The following RNLS variants were observed in gnomAD, a reference collection of about 807,000 sequenced individuals.
RNLS encodes renalase, FAD dependent amine oxidase.
In RNLS, 39 loss-of-function variants were observed where a neutral mutation model predicts 39.8. That is an observed-to-expected ratio of 0.98 (90% CI 0.76 to 1.28). RNLS has a LOEUF of 1.28. Among genes scored for constraint, RNLS ranks in the 50% most tolerant of loss-of-function variants. The probability of loss-of-function intolerance (pLI) is 0.00; values close to 1 mark genes in which losing one functional copy is unlikely to be tolerated. For synonymous variants in RNLS, 147 were observed against 150.7 expected (o/e 0.98, Z 0.18); for missense variants, 410 against 413.3 (o/e 0.99, Z 0.07).
chr10:88,478,875 CTCTT>C lies in RNLS; in HGVS notation c.526+94024_526+94027del, dbSNP rs148397798. Reference sequence around the variant, plus strand: ...CCTTCTTTCTTTCATTTCTTTCTTTCTCTTTCTTTCTTTCTTTCTCTTTCTTTCT... The same window carrying C: ...CCTTCTTTCTTTCATTTCTTTCTTTCTCTTTCTTTCTTTCTCTTTCTTTCT... On this transcript the variant is annotated intron_variant, in intron 4 of 6. Coordinates refer to ENST00000331772, the MANE Select transcript of RNLS (RefSeq NM_001031709.3). 2.2e-3 allele frequency among the ~76,000 whole-genome samples: 332 copies of C among 149,526 alleles called. 5 individuals carry two copies. The East Asian group carries it at 0.044, about 20-fold the overall frequency.
chr10:88,324,422 C>A, intron 5 of RNLS, among the ~76,000 whole-genome samples: 1 of 128,962 alleles, frequency 7.8e-6, no homozygotes, highest in Admixed American at 7.9e-5. Flanking sequence ...AAATTGTGTC[C>A]TTTGCAAAAA....
At chr10:88,188,327 G>T in the RNLS span, among the ~76,000 whole-genome samples, 3 of 152,168 alleles carry the variant, frequency 2.0e-5, no homozygotes, top group Non-Finnish European at 2.9e-5. Flanking sequence ...AAAGTGCTAG[G>T]ATTACAGGCA....
At chr10:88,307,611 C>T (rs868661740) in intron 6 of RNLS, among the ~76,000 whole-genome samples, 16 of 152,154 alleles carry the variant, frequency 1.1e-4, no homozygotes, top group Non-Finnish European at 2.9e-5. Flanking sequence ...CCTAGGAACA[C>T]AGCTAACCAG....
the RNLS span, among the ~76,000 whole-genome samples, chr10:88,237,642 T>G: frequency 2.0e-5 from 3 of 152,212 alleles, no homozygotes; most frequent in African/African-American, 7.2e-5. Context: ...AAGCATGGGC[T>G]TATAAGAAAG....
At chr10:88,518,949 A>G (rs1168899415) in intron 4 of RNLS, among the ~76,000 whole-genome samples, 1 of 152,068 alleles carries the variant, frequency 6.6e-6, no homozygotes, top group African/African-American at 2.4e-5. Flanking sequence ...CTCTAAAGAA[A>G]GAAAAGATAG....
intron 5 of RNLS, among the ~76,000 whole-genome samples, chr10:88,317,092 C>G (rs1228642333): frequency 6.6e-6 from 1 of 152,100 alleles, no homozygotes; most frequent in East Asian, 1.9e-4. Context: ...TTTCTTTATT[C>G]AGTTTAACAA....
At chr10:88,260,110 C>A in the RNLS span, among the ~76,000 whole-genome samples, 1 of 152,094 alleles carries the variant, frequency 6.6e-6, no homozygotes, top group Non-Finnish European at 1.5e-5. Flanking sequence ...TCTAACAGTA[C>A]CCTACTCCTG....
At chr10:88,444,170 C>A (rs181596815) in intron 4 of RNLS, among the ~76,000 whole-genome samples, 36 of 152,294 alleles carry the variant, frequency 2.4e-4, no homozygotes, top group African/African-American at 8.4e-4. Context: ...CAGCAATATT[C>A]GCTGTTCTGC....
chr10:88,212,328 G>A, the RNLS span, among the ~76,000 whole-genome samples: 1 of 152,124 alleles, frequency 6.6e-6, no homozygotes, highest in Non-Finnish European at 1.5e-5. Flanking sequence ...TTCATCTTGT[G>A]CAAGGTGTGT....
the RNLS span, among the ~76,000 whole-genome samples, chr10:88,203,969 C>T: frequency 6.6e-6 from 1 of 152,020 alleles, no homozygotes; most frequent in Non-Finnish European, 1.5e-5. Context: ...TGTGTTCAGT[C>T]TTACACAAGT....
chr10:88,515,915 G>A (rs1007046803), intron 4 of RNLS, among the ~76,000 whole-genome samples: 3 of 152,014 alleles, frequency 2.0e-5, no homozygotes, highest in Non-Finnish European at 4.4e-5. Flanking sequence ...AGGTGATTAG[G>A]ATAAAGTGAA....
chr10:88,314,591 C>G lies in RNLS; in HGVS notation c.751G>C (p.Gly251Arg). ...ATGCTGTGTTCCAAGTATGTAACTCCAAATGGGACAGTGGTGTGAATCACG... is the reference window on the plus strand; with the variant it reads ...ATGCTGTGTTCCAAGTATGTAACTCGAAATGGGACAGTGGTGTGAATCACG... Reference protein sequence around the residue: ...SLVIHTTVPFGVTYLEHSIED... With the variant: ...SLVIHTTVPFRVTYLEHSIED... Residue 251 changes from glycine (G) to arginine (R), a missense_variant, in exon 6 of 7, where the codon GGA becomes CGA. Physicochemically the swap from Gly to Arg is moderately radical, Grantham distance 125. Coordinates refer to ENST00000331772, the MANE Select transcript of RNLS (RefSeq NM_001031709.3). 1 of 1,613,900 alleles carries G rather than the reference C, an allele frequency of 6.2e-7. No homozygotes were observed. The highest frequency in any genetic ancestry group is 8.5e-7 in the Non-Finnish European group (1 of 1,179,858).
chr10:88,545,449 T>C (rs1463516507), intron 4 of RNLS: 1 of 456,338 alleles, frequency 2.2e-6, no homozygotes, highest in Admixed American at 2.4e-5. Flanking sequence ...AGCAAAGGCA[T>C]GACTTACGTG....
intron 3 of RNLS, among the ~76,000 whole-genome samples, chr10:88,574,865 T>G (rs1242552925): frequency 6.6e-6 from 1 of 152,066 alleles, no homozygotes; most frequent in African/African-American, 2.4e-5. Context: ...AGGGCAGCTC[T>G]GCTTCACTCT....
the RNLS span, among the ~76,000 whole-genome samples, chr10:88,258,252 G>A: frequency 6.6e-6 from 1 of 152,200 alleles, no homozygotes; most frequent in Admixed American, 6.5e-5. Context: ...TGACATTGGT[G>A]CAAATTCCTG....
At chr10:88,385,250 G>A (rs1469150059) in intron 4 of RNLS, among the ~76,000 whole-genome samples, 4 of 152,210 alleles carry the variant, frequency 2.6e-5, no homozygotes, top group Non-Finnish European at 5.9e-5. Context: ...TTGGGTGTTG[G>A]TGGATAAAAA....
chr10:88,536,575 T>C (rs1207279681), intron 4 of RNLS, among the ~76,000 whole-genome samples: 1 of 152,160 alleles, frequency 6.6e-6, no homozygotes, highest in Non-Finnish European at 1.5e-5. Flanking sequence ...ACCAGCATCA[T>C]CTCCTACTAC....
chr10:88,424,477 G>A (rs1035047513), intron 4 of RNLS, among the ~76,000 whole-genome samples: 1 of 151,970 alleles, frequency 6.6e-6, no homozygotes, highest in Non-Finnish European at 1.5e-5. Flanking sequence ...GTCAGATGCA[G>A]ACCACAAGAA....
the RNLS span, among the ~76,000 whole-genome samples, chr10:88,177,779 T>TAC: frequency 2.6e-5 from 4 of 152,094 alleles, no homozygotes; most frequent in Non-Finnish European, 5.9e-5. Context: ...GTAGGTTGGG[T>TAC]AGGTTGCTCT....
Sources: gnomAD v4.1 joint callset for allele counts (sites outside exome capture counted in the v4.1 genomes callset) on GRCh38, gnomAD v4.1.1 for gene constraint, MANE v1.5 for transcripts, NCBI Gene and HGNC (gene_info 2026-07-23, HGNC 2026-07-21) for gene names.